CLDN17: variants seen among roughly 807,000 people sequenced by gnomAD.
CLDN17 encodes the protein claudin 17.
A neutral mutation model predicts 0.1 loss-of-function variants in CLDN17; 1 was observed. The observed-to-expected ratio is 8.90, with a 90% CI of 3.16 to 42.21. CLDN17 has a LOEUF of 42.21. Among genes scored for constraint, CLDN17 ranks in the 30% most tolerant of loss-of-function variants. CLDN17 has a pLI of 0.11. For missense variants in CLDN17, 294 were observed against 274.9 expected, an observed-to-expected ratio of 1.07 and a Z score of -0.49; for synonymous variants, 134 against 106.7, an observed-to-expected ratio of 1.26 and a Z score of -1.58.
At position 30,166,225 on chromosome 21, in the gene CLDN17, G is replaced by A. The variant is rs1314381760; in HGVS notation, c.393C>T (p.Ile131=). The A allele has an allele frequency of 6.2e-7, 1 of 1,614,200 alleles. No individual in the cohort carries two copies. Among genetic ancestry groups the A allele is most frequent in the Non-Finnish European group, 8.5e-7 (1 of 1,180,042 alleles). The change falls in exon 1 of 1, where the codon ATC becomes ATT. Residue 131 remains isoleucine, a synonymous_variant. Transcript: ENST00000286808. ...TCCAGCTCACCGGAATCAGAACGAA[G>A]ATGCCCGTCAGGATGAAGAGGACTC... is the stretch of plus-strand genomic sequence containing the variant. ...TSGVLFILTG[I]FVLIPVSWTA...
Position 30,165,954 on chromosome 21 carries a change from T to A in CLDN17, c.664A>T (p.Ser222Cys). Residue 222 changes from serine (S) to cysteine (C), a missense_variant, in exon 1 of 1, where the codon AGT (serine) becomes TGT (cysteine). Ser to Cys is a moderately radical substitution (Grantham distance 112). Transcript: ENST00000286808. ...GCCAAAAGGAGGCATTAGACATAAC[T>A]GGTGGAGGTCTTACTAAGCATTGTC... is the stretch of plus-strand genomic sequence containing the variant. The part of the protein sequence containing the change: ...NTTMLSKTST[S>C]YV 6.2e-7 allele frequency: 1 copy of A among 1,613,752 alleles called. No homozygotes were observed. The highest frequency in any genetic ancestry group is 8.5e-7 in the Non-Finnish European group (1 of 1,179,728).
At position 30,165,793 on chromosome 21, in the gene CLDN17, T is replaced by C; in HGVS notation, c.*150A>G. 4.1e-6 allele frequency: 3 copies of C among 727,832 alleles called. 1 individual carries two copies. The South Asian group carries it at 5.8e-5, about 14-fold the overall frequency. The allele number at this position is 727,832 out of a possible 1,614,324, so 45.1% of individuals were successfully genotyped here. A position where few individuals can be genotyped will look rare whatever the true frequency, so the allele number is the denominator to read the frequency against. On this transcript the variant is annotated 3_prime_UTR_variant, in exon 1 of 1. Transcript: ENST00000286808. ...GTCAGAATGTCCAAGTAAGTCATTTTCATTCCTACCACCAGTAACAAATTG... is the reference window on the plus strand; with the variant it reads ...GTCAGAATGTCCAAGTAAGTCATTTCCATTCCTACCACCAGTAACAAATTG...
At position 30,166,453 on chromosome 21, in the gene CLDN17, G is replaced by A. The variant is rs1980852183; in HGVS notation, c.165C>T (p.Ile55=). Reference sequence around the variant, plus strand: ...ATTGCAACCGGACCCTGGCTTGTCGGATGCAATTCATCCAGAGCCCTTCCC... The same window carrying A: ...ATTGCAACCGGACCCTGGCTTGTCGAATGCAATTCATCCAGAGCCCTTCCC... ...RLWEGLWMNC[I]RQARVRLQCK... is the part of the protein sequence containing the mutation. The change falls in exon 1 of 1, where the codon ATC becomes ATT. Residue 55 remains isoleucine (I), a synonymous_variant. Coordinates refer to ENST00000286808, the MANE Select transcript of CLDN17 (RefSeq NM_012131.3). 7 of 1,614,092 alleles carry A rather than the reference G, an allele frequency of 4.3e-6. No homozygotes were observed. The highest frequency in any genetic ancestry group is 5.9e-6 in the Non-Finnish European group (7 of 1,180,012).
At position 30,166,423 on chromosome 21, in the gene CLDN17, C is replaced by T; in HGVS notation, c.195G>A (p.Lys65=). 6.2e-7 allele frequency: 1 copy of T among 1,614,150 alleles called. No individual in the cohort carries two copies. Among genetic ancestry groups the T allele is most frequent in the Non-Finnish European group, 8.5e-7 (1 of 1,180,022 alleles). ...IRQARVRLQC[K]FYSSLLALPP... ...GGAGAGCCAACAAGGAGCTATAGAA[C>T]TTGCATTGCAACCGGACCCTGGCTT... Residue 65 remains lysine (K), a synonymous_variant, in exon 1 of 1, where the codon AAG becomes AAA. Coordinates refer to ENST00000286808, the MANE Select transcript of CLDN17 (RefSeq NM_012131.3).
At position 30,166,084 on chromosome 21, in the gene CLDN17, T is replaced by A; in HGVS notation, c.534A>T (p.Gly178=). ...GWASAAVLFI[G]GGLLCGFCCC... is the part of the protein sequence containing the mutation. ...AGCAAAATCCACAAAGCAGACCCCC[T>A]CCAATGAAGAGGACAGCAGCGCTTG... The change falls in exon 1 of 1, where the codon GGA becomes GGT. Residue 178 remains glycine, a synonymous_variant. Transcript: ENST00000286808. 1.9e-6 allele frequency: 3 copies of A among 1,614,110 alleles called. No homozygotes were observed. The highest frequency in any genetic ancestry group is 2.5e-6 in the Non-Finnish European group (3 of 1,180,028).
chr21:30,165,936 G>C lies in CLDN17; in HGVS notation c.*7C>G, dbSNP rs563005963. On this transcript the variant is annotated 3_prime_UTR_variant, in exon 1 of 1. Transcript: ENST00000286808. The stretch of plus-strand genomic sequence containing the variant: ...CCATAGTCCATACTTGGAGCCAAAA[G>C]GAGGCATTAGACATAACTGGTGGAG... The C allele has an allele frequency of 3.5e-5, 56 of 1,610,880 alleles. No homozygotes were observed. The South Asian group carries it at 5.5e-4, about 16-fold the overall frequency.
Position 30,166,774 on chromosome 21 carries a change from G to C in CLDN17, c.-157C>G, listed in dbSNP as rs1980860887. Reference sequence around the variant, plus strand: ...CAAATCAGTAGCTGTGACTGAACTTGGCCTAACTAGAAGTACCTGTTGTAA... The same window carrying C: ...CAAATCAGTAGCTGTGACTGAACTTCGCCTAACTAGAAGTACCTGTTGTAA... On this transcript the variant is annotated 5_prime_UTR_variant, in exon 1 of 1. Transcript: ENST00000286808. 1 of 645,626 alleles carries C rather than the reference G, an allele frequency of 1.5e-6. No homozygotes were observed. Among genetic ancestry groups the C allele is most frequent in the Admixed American group, 3.1e-5 (1 of 32,144 alleles). The allele number at this position is 645,626 out of a possible 1,614,324, so 40.0% of individuals were successfully genotyped here. A position where few individuals can be genotyped will look rare whatever the true frequency, so the allele number is the denominator to read the frequency against.
At position 30,166,105 on chromosome 21, in the gene CLDN17, G is replaced by A. The variant is rs767911871; in HGVS notation, c.513C>T (p.Ser171=). Residue 171 remains serine, a synonymous_variant, in exon 1 of 1, where the codon AGC becomes AGT. Transcript: ENST00000286808. ...CCCCTCCAATGAAGAGGACAGCAGC[G>A]CTTGCCCAGCCAAGGAAAAGTGCTG... ...LGAALFLGWA[S]AAVLFIGGGL... 44 of 1,614,032 alleles carry A rather than the reference G, an allele frequency of 2.7e-5. No individual in the cohort carries two copies. In the Admixed American group the frequency reaches 5.7e-4, roughly 21 times the overall value.
chr21:30,165,827 G>T lies in CLDN17; in HGVS notation c.*116C>A. The T allele has an allele frequency of 1.0e-6, 1 of 964,772 alleles. No individual in the cohort carries two copies. Among genetic ancestry groups the T allele is most frequent in the Admixed American group, 2.7e-5 (1 of 37,202 alleles). 59.8% of individuals were successfully genotyped at this position (964,772 alleles called of 1,614,324 possible). ...CCACCAGTAACAAATTGAAACTTTC[G>T]TATCAATGTAAATCTAGACATAAAG... On this transcript the variant is annotated 3_prime_UTR_variant, in exon 1 of 1. Coordinates refer to ENST00000286808, the MANE Select transcript of CLDN17 (RefSeq NM_012131.3).
rs950478234 is a variant in CLDN17, at chr21:30,165,570, G to A, written c.*373C>T. The A allele has an allele frequency of 5.2e-6, 1 of 191,618 alleles. No homozygotes were observed. The allele number at this position is 191,618 out of a possible 1,614,324, so 11.9% of individuals were successfully genotyped here. On this transcript the variant is annotated 3_prime_UTR_variant, in exon 1 of 1. Transcript: ENST00000286808. ...AGGAAAAATAATAGGTTACATTTTAGAATAGGTATATGTTTTATTGTTATA... is the reference window on the plus strand; with the variant it reads ...AGGAAAAATAATAGGTTACATTTTAAAATAGGTATATGTTTTATTGTTATA...
Position 30,166,740 on chromosome 21 carries a change from G to C in CLDN17, c.-123C>G. ...GTTCTCCTTGGCTGCTGCCCATAAC[G>C]TTTTAGTCCAAATCAGTAGCTGTGA... On this transcript the variant is annotated 5_prime_UTR_variant, in exon 1 of 1. Coordinates refer to ENST00000286808, the MANE Select transcript of CLDN17 (RefSeq NM_012131.3). 1 of 842,854 alleles carries C rather than the reference G, an allele frequency of 1.2e-6. No individual in the cohort carries two copies. The allele number at this position is 842,854 out of a possible 1,614,324, so 52.2% of individuals were successfully genotyped here.
rs1460701896 is a variant in CLDN17, at chr21:30,166,279, C to T, written c.339G>A (p.Arg113=). ...AAGTTCCCAGAAGGTATGCTTTGGCCCTCTCGTTAGAGCCTGTGCACTGGA... is the reference window on the plus strand; with the variant it reads ...AAGTTCCCAGAAGGTATGCTTTGGCTCTCTCGTTAGAGCCTGTGCACTGGA... ...KQVQCTGSNE[R]AKAYLLGTSG... Residue 113 remains arginine (R), a synonymous_variant, in exon 1 of 1, where the codon AGG becomes AGA. Coordinates refer to ENST00000286808, the MANE Select transcript of CLDN17 (RefSeq NM_012131.3). 1.2e-6 allele frequency: 2 copies of T among 1,613,998 alleles called. No homozygotes were observed. Among genetic ancestry groups the T allele is most frequent in the Non-Finnish European group, 1.7e-6 (2 of 1,180,032 alleles).
rs2146493024 is a variant in CLDN17, at chr21:30,166,274, T to A, written c.344A>T (p.Lys115Ile). Residue 115 changes from lysine (K) to isoleucine (I), a missense_variant, in exon 1 of 1, where the codon AAA (lysine) becomes ATA (isoleucine). Coordinates refer to ENST00000286808, the MANE Select transcript of CLDN17 (RefSeq NM_012131.3). ...VQCTGSNERA[K>I]AYLLGTSGVL... The stretch of plus-strand genomic sequence containing the variant: ...TCCTGAAGTTCCCAGAAGGTATGCT[T>A]TGGCCCTCTCGTTAGAGCCTGTGCA... The A allele has an allele frequency of 1.2e-6, 2 of 1,614,176 alleles. No homozygotes were observed. Among genetic ancestry groups the A allele is most frequent in the East Asian group, 2.2e-5 (1 of 44,872 alleles).
Position 30,166,793 on chromosome 21 carries a change from G to A in CLDN17, c.-176C>T, listed in dbSNP as rs556518952. On this transcript the variant is annotated 5_prime_UTR_variant, in exon 1 of 1. It introduces an in-frame stop codon into an upstream open reading frame of the 5' UTR. Transcript: ENST00000286808. ...GAACTTGGCCTAACTAGAAGTACCT[G>A]TTGTAAATGCATGTTGCCTTTTTTC... 22 of 594,612 alleles carry A rather than the reference G, an allele frequency of 3.7e-5. No homozygotes were observed. The African/African-American group carries it at 3.7e-4, about 10-fold the overall frequency. The allele number at this position is 594,612 out of a possible 1,614,324, so 36.8% of individuals were successfully genotyped here.
Position 30,166,541 on chromosome 21 carries a change from AG to A in CLDN17, c.76del (p.Leu26PhefsTer27). 1 of 1,614,198 alleles carries A rather than the reference AG, an allele frequency of 6.2e-7. No individual in the cohort carries two copies. Among genetic ancestry groups the A allele is most frequent in the South Asian group, 1.1e-5 (1 of 91,086 alleles). ...LGMVGTLATTLLPQWRVSAFV... is the reference protein window; with the variant it reads ...LGMVGTLATTXLPQWRVSAFV... ...AGCTGATACTCTCCACTGAGGCAGA[AG>A]GGTTGTGGCAAGAGTCCCCACCATG... On this transcript the variant is annotated frameshift_variant, in exon 1 of 1. Transcript: ENST00000286808. LOFTEE classifies it low-confidence loss of function (END_TRUNC).
In CLDN17 at chr21:30,166,339, G is replaced by A. The variant is rs138854149; in HGVS notation, c.279C>T (p.Ile93=). The part of the protein sequence containing the change: ...LMCVAVALSL[I]ALLIGICGMK... ...TGCCACAGATGCCAATAAGCAGGGC[G>A]ATCAAGGAGAGAGCAACAGCCACAC... Residue 93 remains isoleucine, a synonymous_variant, in exon 1 of 1, where the codon ATC becomes ATT. Transcript: ENST00000286808. 16 of 1,614,004 alleles carry A rather than the reference G, an allele frequency of 9.9e-6. No individual in the cohort carries two copies. Among genetic ancestry groups the A allele is most frequent in the African/African-American group, 6.7e-5 (5 of 74,908 alleles).
At position 30,165,923 on chromosome 21, in the gene CLDN17, C is replaced by A; in HGVS notation, c.*20G>T. On this transcript the variant is annotated 3_prime_UTR_variant, in exon 1 of 1. Coordinates refer to ENST00000286808, the MANE Select transcript of CLDN17 (RefSeq NM_012131.3). ...TAAAAAACATTGACCATAGTCCATACTTGGAGCCAAAAGGAGGCATTAGAC... is the reference window on the plus strand; with the variant it reads ...TAAAAAACATTGACCATAGTCCATAATTGGAGCCAAAAGGAGGCATTAGAC... The A allele has an allele frequency of 6.2e-7, 1 of 1,607,100 alleles. No homozygotes were observed. Among genetic ancestry groups the A allele is most frequent in the Non-Finnish European group, 8.5e-7 (1 of 1,175,566 alleles).
chr21:30,165,949 A>G lies in CLDN17; in HGVS notation c.669T>C (p.Tyr223=). Residue 223 remains tyrosine (Y), a synonymous_variant, in exon 1 of 1, where the codon TAT becomes TAC. Transcript: ENST00000286808. ...TTGGAGCCAAAAGGAGGCATTAGACATAACTGGTGGAGGTCTTACTAAGCA... is the reference window on the plus strand; with the variant it reads ...TTGGAGCCAAAAGGAGGCATTAGACGTAACTGGTGGAGGTCTTACTAAGCA... ...TTMLSKTSTS[Y]V is the part of the protein sequence containing the mutation. 1.9e-6 allele frequency: 3 copies of G among 1,613,566 alleles called. No homozygotes were observed. The highest frequency in any genetic ancestry group is 2.5e-6 in the Non-Finnish European group (3 of 1,179,600).
In CLDN17 at chr21:30,166,375, C is replaced by T. The variant is rs1473105396; in HGVS notation, c.243G>A (p.Arg81=). 1.2e-6 allele frequency: 2 copies of T among 1,614,086 alleles called. No individual in the cohort carries two copies. Among genetic ancestry groups the T allele is most frequent in the Admixed American group, 1.7e-5 (1 of 60,010 alleles). Residue 81 remains arginine, a synonymous_variant, in exon 1 of 1, where the codon CGG becomes CGA. Coordinates refer to ENST00000286808, the MANE Select transcript of CLDN17 (RefSeq NM_012131.3). ...GAGCAACAGCCACACACATGAGGGC[C>T]CGGGCTGTTTCCAGGGCAGGCGGGA... ...LALPPALETA[R]ALMCVAVALS... is the part of the protein sequence containing the mutation.
Sources: gnomAD v4.1 joint callset for allele counts on GRCh38, gnomAD v4.1.1 for gene constraint, MANE v1.5 for transcripts, NCBI Gene and HGNC (gene_info 2026-07-23, HGNC 2026-07-21) for gene names.